RHOA: variants seen among roughly 807,000 people sequenced by gnomAD.
The protein encoded by RHOA is transforming protein RhoA.
RHOA carries 3 observed loss-of-function variants against 17.5 expected under a neutral mutation model. The ratio of observed to expected loss-of-function variants is 0.17; its 90% confidence interval spans 0.08 to 0.44. The LOEUF (loss-of-function observed/expected upper bound fraction) is 0.44. RHOA is among the 20% of genes least tolerant of loss of function. RHOA has a pLI of 0.99. For synonymous variants in RHOA, 98 were observed against 88.4 expected, an observed-to-expected ratio of 1.11 and a Z score of -0.61; for missense variants, 56 against 242.3, an observed-to-expected ratio of 0.23 and a Z score of 5.10.
chr3:49,398,653 G>A (rs2048660625), intron 1 of RHOA, among the ~76,000 whole-genome samples: 3 of 149,420 alleles, frequency 2.0e-5, no homozygotes, highest in South Asian at 2.1e-4. Context: ...ATGAAACCCC[G>A]TCTCTACTAA....
intron 1 of RHOA, among the ~76,000 whole-genome samples, chr3:49,387,130 A>C (rs1269793496): frequency 9.4e-5 from 1 of 10,682 alleles, no homozygotes; most frequent in Non-Finnish European, 1.6e-4. Flanking sequence ...AAAAAAAAAA[A>C]AAAAAAAAAA....
chr3:49,404,098 G>A (rs2048772229), intron 1 of RHOA, among the ~76,000 whole-genome samples: 3 of 102,796 alleles, frequency 2.9e-5, no homozygotes, highest in Admixed American at 9.3e-5. Context: ...CCAGGAGTCT[G>A]AGACCCAACC....
intron 1 of RHOA, among the ~76,000 whole-genome samples, chr3:49,382,964 G>C (rs1350375526): frequency 6.6e-6 from 1 of 151,858 alleles, no homozygotes; most frequent in Admixed American, 6.6e-5. Flanking sequence ...TGAGGCAGGA[G>C]AATCACTTGA....
rs745317533 is a variant in RHOA, at chr3:49,360,353, A to G, written c.438T>C (p.Asp146=). ...CAAAAGCGCCAATCCTGTTTGCCATATCTCTGCCTTCTTCAGGTTTCACCG... is the reference window on the plus strand; with the variant it reads ...CAAAAGCGCCAATCCTGTTTGCCATGTCTCTGCCTTCTTCAGGTTTCACCG... ...QEPVKPEEGR[D]MANRIGAFGY... Residue 146 remains aspartate (D), a synonymous_variant, in exon 5 of 5, where the codon GAT becomes GAC. Coordinates refer to ENST00000418115, the MANE Select transcript of RHOA (RefSeq NM_001664.4). 6.2e-7 allele frequency: 1 copy of G among 1,612,562 alleles called. No homozygotes were observed. The highest frequency in any genetic ancestry group is 1.1e-5 in the South Asian group (1 of 90,506).
Position 49,359,756 on chromosome 3 carries a change from C to A in RHOA, c.*453G>T, listed in dbSNP as rs1371560344. 5.2e-5 allele frequency: 12 copies of A among 230,512 alleles called. No individual in the cohort carries two copies. The highest frequency in any genetic ancestry group is 6.0e-5 in the Non-Finnish European group (7 of 116,138). The allele number at this position is 230,512 out of a possible 1,614,324, so 14.3% of individuals were successfully genotyped here. On this transcript the variant is annotated 3_prime_UTR_variant, in exon 5 of 5. Transcript: ENST00000418115. ...GGGCTTTTCTGGTTGAGCCCATTTT[C>A]AAAAAACTGCCCACCCCAGAGCTAT...
At chr3:49,385,542 G>GT (rs766685362) in intron 1 of RHOA, among the ~76,000 whole-genome samples, 22 of 151,718 alleles carry the variant, frequency 1.5e-4, no homozygotes, top group Middle Eastern at 3.4e-3. Flanking sequence ...AAACTCAGTT[G>GT]TTTTTTTTAT....
chr3:49,365,142 AG>A, intron 3 of RHOA: 1 of 149,012 alleles, frequency 6.7e-6, no homozygotes, highest in East Asian at 2.0e-4. Context: ...CTAGAACAGA[AG>A]TTTTTTTTTT....
chr3:49,372,137 A>G (rs1377050657), intron 2 of RHOA, among the ~76,000 whole-genome samples: 4 of 152,234 alleles, frequency 2.6e-5, no homozygotes, highest in South Asian at 2.1e-4. Flanking sequence ...TAAGAGGGCT[A>G]TAACTTGACA....
At chr3:49,382,991 T>G (rs1002485772) in intron 1 of RHOA, among the ~76,000 whole-genome samples, 1 of 151,536 alleles carries the variant, frequency 6.6e-6, no homozygotes, top group South Asian at 2.1e-4. Flanking sequence ...GAGGCAAAGG[T>G]TGCAGTGAGC....
intron 2 of RHOA, 69 bp downstream of exon 2, chr3:49,375,365 A>G (rs562229329): frequency 6.8e-7 from 1 of 1,476,370 alleles, no homozygotes; most frequent in East Asian, 2.3e-5. Context: ...AAAAGCTCTA[A>G]TTCTCTACAT....
At chr3:49,367,342 CAAAA>C (rs62926260) in intron 3 of RHOA, among the ~76,000 whole-genome samples, 1,592 of 80,354 alleles carry the variant, frequency 0.02, 12 homozygotes, top group Non-Finnish European at 0.028. Flanking sequence ...GACTCCCTCT[CAAAA>C]AAAAAAAAAA....
chr3:49,408,431 C>G (rs1437493344), intron 1 of RHOA, among the ~76,000 whole-genome samples: 1 of 152,056 alleles, frequency 6.6e-6, no homozygotes, highest in African/African-American at 2.4e-5. Context: ...TTATTATTAG[C>G]TATAAAAATG....
chr3:49,378,696 T>C (rs2048271770), intron 1 of RHOA, among the ~76,000 whole-genome samples: 1 of 152,080 alleles, frequency 6.6e-6, no homozygotes, highest in South Asian at 2.1e-4. Flanking sequence ...CCTCCCAGGC[T>C]CAACTCAAGC....
chr3:49,401,409 T>C (rs2048722351), intron 1 of RHOA, among the ~76,000 whole-genome samples: 1 of 151,962 alleles, frequency 6.6e-6, no homozygotes, highest in Non-Finnish European at 1.5e-5. Flanking sequence ...TCCCAGCACT[T>C]TGGGAGGCCA....
intron 2 of RHOA, among the ~76,000 whole-genome samples, chr3:49,372,420 G>A (rs2048160314): frequency 6.6e-6 from 1 of 152,072 alleles, no homozygotes; most frequent in Admixed American, 6.6e-5. Flanking sequence ...AATCATCGTG[G>A]CTCACTCTGT....
chr3:49,393,674 CTCTGTGTGTGTGTGTGTGTGTGTGTG>C lies in RHOA; in HGVS notation c.-2-18109_-2-18084del, dbSNP rs1480980598. Among the ~76,000 whole-genome samples the C allele has an allele frequency of 1.1e-3, 5 of 4,354 alleles. 2 individuals carry two copies. The highest frequency in any genetic ancestry group is 3.6e-3 in the African/African-American group (5 of 1,402). The allele number at this position is 4,354 out of a possible 152,430, so 2.9% of individuals were successfully genotyped here. The stretch of plus-strand genomic sequence containing the variant: ...ACAGGTCCCTTGTCTCAAATTCTCT[CTCTGTGTGTGTGTGTGTGTGTGTGTG>C]TGTGTGTGTGTGTGTGTGTGTGTGT... On this transcript the variant is annotated intron_variant, in intron 1 of 4. Coordinates refer to ENST00000418115, the MANE Select transcript of RHOA (RefSeq NM_001664.4).
chr3:49,407,968 T>G (rs997368437), intron 1 of RHOA, among the ~76,000 whole-genome samples: 1 of 152,132 alleles, frequency 6.6e-6, no homozygotes, highest in Non-Finnish European at 1.5e-5. Context: ...GAGAACAGCC[T>G]GACCAACATG....
chr3:49,387,596 T>G (rs988635264), intron 1 of RHOA, among the ~76,000 whole-genome samples: 2 of 151,084 alleles, frequency 1.3e-5, no homozygotes, highest in Non-Finnish European at 3.0e-5. Context: ...ACAAAAAAAA[T>G]TAGCCAGGCG....
At chr3:49,394,188 TAG>T (rs2107885890) in intron 1 of RHOA, among the ~76,000 whole-genome samples, 1 of 152,000 alleles carries the variant, frequency 6.6e-6, no homozygotes, top group Admixed American at 6.6e-5. Flanking sequence ...GTATTTTTAG[TAG>T]AGACAGGGAT....
Sources: gnomAD v4.1 joint callset for allele counts (sites outside exome capture counted in the v4.1 genomes callset) on GRCh38, gnomAD v4.1.1 for gene constraint, MANE v1.5 for transcripts, NCBI Gene and HGNC (gene_info 2026-07-23, HGNC 2026-07-21) for gene names.